PPFIBP1: variants seen among roughly 807,000 people sequenced by gnomAD.
PPFIBP1 encodes the protein liprin-beta-1.
A neutral mutation model predicts 137.8 loss-of-function variants in PPFIBP1; 112 were observed. The ratio of observed to expected loss-of-function variants is 0.81; its 90% confidence interval spans 0.70 to 0.95. PPFIBP1 has a LOEUF of 0.95. PPFIBP1 is among the 40% of genes least tolerant of loss of function. PPFIBP1 has a pLI of 0.00. For synonymous variants in PPFIBP1, 378 were observed against 417.3 expected (o/e 0.91, Z 1.15); for missense variants, 1,083 against 1,196.6 (o/e 0.91, Z 1.40).
At chr12:27,590,428 G>A (rs1169614429) in intron 2 of PPFIBP1, among the ~76,000 whole-genome samples, 1 of 152,066 alleles carries the variant, frequency 6.6e-6, no homozygotes, top group Non-Finnish European at 1.5e-5. Flanking sequence ...TACCCACCTC[G>A]GCCTCCCAAA....
chr12:27,649,304 C>A (rs982675500), intron 6 of PPFIBP1, among the ~76,000 whole-genome samples: 2 of 152,124 alleles, frequency 1.3e-5, no homozygotes, highest in African/African-American at 4.8e-5. Context: ...GTTTCCTCAT[C>A]TTTTGATTAA....
intron 19 of PPFIBP1, 158 bp downstream of exon 19, chr12:27,677,254 A>G: frequency 2.4e-6 from 2 of 847,260 alleles, no homozygotes; most frequent in South Asian, 1.7e-5. Context: ...GCTAAAAAGG[A>G]CTCTGTAGAG....
At chr12:27,679,712 G>C in intron 20 of PPFIBP1, 73 bp downstream of exon 20, 1 of 1,529,770 alleles carries the variant, frequency 6.5e-7, no homozygotes, top group East Asian at 2.2e-5. Context: ...ACATGGGTAT[G>C]GACTTTGTAA....
chr12:27,580,640 G>A (rs1425139938), intron 2 of PPFIBP1, among the ~76,000 whole-genome samples: 1 of 152,178 alleles, frequency 6.6e-6, no homozygotes, highest in Non-Finnish European at 1.5e-5. Flanking sequence ...TTAAAAATAT[G>A]AGACTTCGGT....
Position 27,664,387 on chromosome 12 carries a change from A to G in PPFIBP1, c.932A>G (p.Gln311Arg). 6.2e-7 allele frequency: 1 copy of G among 1,612,362 alleles called. No individual in the cohort carries two copies. Among genetic ancestry groups the G allele is most frequent in the Non-Finnish European group, 8.5e-7 (1 of 1,178,634 alleles). ...GATCGGAAAATAGAAGATCTTCGAC[A>G]GTGCCTGAACAGGTACAAGAAAATG... ...EKDRKIEDLR[Q>R]CLNRYKKMQD... Residue 311 changes from glutamine (Q) to arginine (R), a missense_variant, in exon 12 of 30, where the codon CAG becomes CGG. Gln to Arg is a conservative substitution (Grantham distance 43). Transcript: ENST00000228425.
intron 1 of PPFIBP1, among the ~76,000 whole-genome samples, chr12:27,535,881 T>C (rs1465656501): frequency 6.6e-6 from 1 of 152,230 alleles, no homozygotes; most frequent in African/African-American, 2.4e-5. Context: ...GCTTATGATG[T>C]GTAATGAAAG....
At chr12:27,661,689 GAA>G (rs1321316354) in intron 11 of PPFIBP1, among the ~76,000 whole-genome samples, 1 of 152,168 alleles carries the variant, frequency 6.6e-6, no homozygotes, top group African/African-American at 2.4e-5. Context: ...TTCCCAAAAA[GAA>G]GAGTCATTTC....
At chr12:27,674,405 A>G (rs1255375509) in intron 17 of PPFIBP1, among the ~76,000 whole-genome samples, 184 bp downstream of exon 17, 2 of 142,078 alleles carry the variant, frequency 1.4e-5, no homozygotes, top group Non-Finnish European at 3.1e-5. Context: ...AGATAAATCT[A>G]TAGAAATAGA....
intron 2 of PPFIBP1, chr12:27,592,832 T>C (rs562186692): frequency 3.3e-6 from 2 of 605,788 alleles, no homozygotes; most frequent in Admixed American, 5.6e-5. Flanking sequence ...GGAACTCACA[T>C]CCTTTTAGCA....
chr12:27,526,190 C>T (rs551101214), intron 1 of PPFIBP1, among the ~76,000 whole-genome samples: 1 of 152,196 alleles, frequency 6.6e-6, no homozygotes, highest in Admixed American at 6.5e-5. Context: ...TTTGTAATAC[C>T]AAAAGATGGG....
At chr12:27,658,947 T>C (rs142181591) in intron 10 of PPFIBP1, 99 bp downstream of exon 10, 13,712 of 1,243,528 alleles carry the variant, frequency 0.011, 106 homozygotes, top group Middle Eastern at 0.015. Flanking sequence ...TCACCAAAGA[T>C]GTAAAGTTGC....
chr12:27,693,082 G>A lies in PPFIBP1; in HGVS notation c.*200G>A. ...AAAAATAAGACACTGGTGAATGAGA[G>A]TATAATTGTTTTTCTTCTATTTAAT... On this transcript the variant is annotated 3_prime_UTR_variant, in exon 30 of 30. Coordinates refer to ENST00000228425, the MANE Select transcript of PPFIBP1 (RefSeq NM_003622.4). The A allele has an allele frequency of 1.5e-6, 1 of 648,606 alleles. No individual in the cohort carries two copies. Among genetic ancestry groups the A allele is most frequent in the East Asian group, 3.3e-5 (1 of 30,452 alleles). The allele number at this position is 648,606 out of a possible 1,614,324, so 40.2% of individuals were successfully genotyped here.
intron 9 of PPFIBP1, 56 bp from the exon 10 acceptor site, chr12:27,658,760 A>G: frequency 6.6e-7 from 1 of 1,523,938 alleles, no homozygotes; most frequent in Non-Finnish European, 9.0e-7. Flanking sequence ...ATTTAAAAAT[A>G]TTACTTATTG....
At chr12:27,611,270 A>G (rs2055076255) in intron 2 of PPFIBP1, among the ~76,000 whole-genome samples, 1 of 152,140 alleles carries the variant, frequency 6.6e-6, no homozygotes, top group South Asian at 2.1e-4. Context: ...CTGGATGCTG[A>G]AAGTATTGGA....
At chr12:27,619,660 C>T (rs181364392) in intron 2 of PPFIBP1, among the ~76,000 whole-genome samples, 5 of 152,312 alleles carry the variant, frequency 3.3e-5, no homozygotes. Flanking sequence ...TGAGTTTGTC[C>T]TTTCTCCCAA....
At chr12:27,548,267 G>A (rs772728022) in intron 1 of PPFIBP1, 13 of 152,120 alleles carry the variant, frequency 8.5e-5, no homozygotes, top group Admixed American at 3.9e-4. Context: ...TGAATGGGTC[G>A]CCGTAACAAA....
chr12:27,664,869 C>G (rs1301018048), intron 12 of PPFIBP1, among the ~76,000 whole-genome samples: 1 of 152,130 alleles, frequency 6.6e-6, no homozygotes, highest in Admixed American at 6.5e-5. Context: ...TGCTCAAGTG[C>G]AGAGGGACTC....
chr12:27,648,892 G>A (rs1038437643), intron 6 of PPFIBP1, among the ~76,000 whole-genome samples: 1 of 152,018 alleles, frequency 6.6e-6, no homozygotes, highest in African/African-American at 2.4e-5. Context: ...ATGGCGAAGG[G>A]GTACAAAATA....
intron 4 of PPFIBP1, among the ~76,000 whole-genome samples, chr12:27,640,000 A>G (rs1267519346): frequency 1.3e-5 from 2 of 152,176 alleles, no homozygotes; most frequent in Non-Finnish European, 2.9e-5. Flanking sequence ...TTGGCAAACA[A>G]GGTACATCTT....
Sources: gnomAD v4.1 joint callset for allele counts (sites outside exome capture counted in the v4.1 genomes callset) on GRCh38, gnomAD v4.1.1 for gene constraint, MANE v1.5 for transcripts, NCBI Gene and HGNC (gene_info 2026-07-23, HGNC 2026-07-21) for gene names.